RIMBP2: variants seen among roughly 807,000 people sequenced by gnomAD.
RIMBP2 encodes RIMS binding protein 2.
Under a neutral mutation model 118.6 loss-of-function variants are expected in RIMBP2, and 48 were observed. That is an observed-to-expected ratio of 0.40 (90% CI 0.32 to 0.51). The LOEUF (loss-of-function observed/expected upper bound fraction) is 0.51. RIMBP2 is among the 20% of genes least tolerant of loss of function. The pLI is 0.41. For synonymous variants in RIMBP2, 762 were observed against 742.9 expected (o/e 1.03, Z -0.42); for missense variants, 1,551 against 1,768.3 (o/e 0.88, Z 2.20).
intron 2 of RIMBP2, among the ~76,000 whole-genome samples, chr12:130,612,869 T>A (rs575515138): frequency 7.7e-4 from 117 of 151,376 alleles, no homozygotes; most frequent in African/African-American, 2.6e-3. Flanking sequence ...ATAGAGAGAG[T>A]CCGGATGGGT....
intron 1 of RIMBP2, among the ~76,000 whole-genome samples, chr12:130,713,272 A>C (rs7295428): frequency 0.56 from 77,877 of 138,542 alleles, 25,704 homozygotes; most frequent in Non-Finnish European, 0.73. Flanking sequence ...GAAGGAAGGA[A>C]GGACTGAGGA....
At position 130,587,827 on chromosome 12, in the gene RIMBP2, A is replaced by G. The variant is rs1191855481; in HGVS notation, c.-217+40495T>C. Among the ~76,000 whole-genome samples the G allele has an allele frequency of 2.0e-4, 25 of 123,784 alleles. No individual in the cohort carries two copies. The South Asian group carries it at 6.6e-3, about 33-fold the overall frequency. 81.2% of individuals were successfully genotyped at this position (123,784 alleles called of 152,430 possible). On this transcript the variant is annotated intron_variant, in intron 2 of 22. Transcript: ENST00000690449. ...ACATGTACCCTAAAACTTAAAGTAT[A>G]ATAAAAAAAAAAAAAGAAAAAAAAA...
At chr12:130,440,527 G>A (rs1362391592) in intron 11 of RIMBP2, among the ~76,000 whole-genome samples, 3 of 152,152 alleles carry the variant, frequency 2.0e-5, no homozygotes, top group Admixed American at 2.0e-4. Context: ...GTCCAGGGGA[G>A]CCTCTCCTGA....
At chr12:130,672,101 T>C (rs190476624) in intron 1 of RIMBP2, among the ~76,000 whole-genome samples, 18 of 152,276 alleles carry the variant, frequency 1.2e-4, no homozygotes, top group Admixed American at 1.2e-3. Context: ...CTCCACAGAC[T>C]CGTGTCGGTT....
At position 130,424,565 on chromosome 12, in the gene RIMBP2, C is replaced by T; in HGVS notation, c.2706G>A (p.Leu902=). Residue 902 remains leucine (L), a synonymous_variant, in exon 16 of 23, where the codon CTG becomes CTA. Coordinates refer to ENST00000690449, the MANE Select transcript of RIMBP2 (RefSeq NM_001393629.1). This position sits in a 1 kb window ranked among gnomAD's most constrained non-coding sequence, Gnocchi z 9.8. ...GGCTGAACCGACAGCCCCTGTCTTC[C>T]AGAAGGAAGTCCTCCACGTGGGGGA... ...GAVPHVEDFL[L]EDRGCRFSRS... 1 of 1,232,008 alleles carries T rather than the reference C, an allele frequency of 8.1e-7. No individual in the cohort carries two copies. Among genetic ancestry groups the T allele is most frequent in the Non-Finnish European group, 1.0e-6 (1 of 987,858 alleles). 76.3% of individuals were successfully genotyped at this position (1,232,008 alleles called of 1,614,324 possible).
chr12:130,663,262 T>C (rs1057056736), intron 1 of RIMBP2, among the ~76,000 whole-genome samples: 1 of 152,080 alleles, frequency 6.6e-6, no homozygotes, highest in African/African-American at 2.4e-5. Context: ...TCAACCATCC[T>C]AAAGACAGAG....
chr12:130,438,616 G>T, intron 11 of RIMBP2, 100 bp from the exon 12 acceptor site: 1 of 1,143,814 alleles, frequency 8.7e-7, no homozygotes, highest in Non-Finnish European at 1.2e-6. Flanking sequence ...GAGATCATTC[G>T]GTAAAGTCGC....
At chr12:130,566,829 C>CT (rs2057256817) in intron 2 of RIMBP2, among the ~76,000 whole-genome samples, 1 of 152,226 alleles carries the variant, frequency 6.6e-6, no homozygotes, top group African/African-American at 2.4e-5. Context: ...CACTTGATAA[C>CT]TGATACAACA....
intron 2 of RIMBP2, among the ~76,000 whole-genome samples, chr12:130,592,195 AC>A (rs1420031639): frequency 6.6e-6 from 1 of 152,174 alleles, no homozygotes; most frequent in Non-Finnish European, 1.5e-5. Flanking sequence ...GTCCTCTTCC[AC>A]CTGTGTAACT....
chr12:130,403,831 G>A (rs2074892181), intron 21 of RIMBP2, among the ~76,000 whole-genome samples: 2 of 152,210 alleles, frequency 1.3e-5, no homozygotes, highest in South Asian at 2.1e-4. Context: ...AACTTCCAGT[G>A]CCTTAAAAAT....
At chr12:130,553,481 G>T (rs2056034530) in intron 2 of RIMBP2, among the ~76,000 whole-genome samples, 1 of 152,030 alleles carries the variant, frequency 6.6e-6, no homozygotes, top group Non-Finnish European at 1.5e-5. Flanking sequence ...TGAATGCTAG[G>T]TGTTAAATAA....
chr12:130,633,518 A>G (rs927237503), intron 1 of RIMBP2, among the ~76,000 whole-genome samples: 1 of 152,110 alleles, frequency 6.6e-6, no homozygotes, highest in Admixed American at 6.6e-5. Context: ...GATCCTCGAG[A>G]CCAAGGGTCT....
chr12:130,398,290 A>G (rs2074223021), intron 22 of RIMBP2: 2 of 152,268 alleles, frequency 1.3e-5, no homozygotes. Flanking sequence ...TTGGCAGTGC[A>G]GCAGCATTCC....
chr12:130,562,907 C>A (rs1263414627), intron 2 of RIMBP2, among the ~76,000 whole-genome samples: 4 of 152,192 alleles, frequency 2.6e-5, no homozygotes, highest in Non-Finnish European at 5.9e-5. Flanking sequence ...GGGAAAATCA[C>A]TGAGCTGGGA....
chr12:130,407,647 G>T, intron 20 of RIMBP2, 79 bp downstream of exon 20: 1 of 1,079,994 alleles, frequency 9.3e-7, no homozygotes, highest in Non-Finnish European at 1.4e-6. Flanking sequence ...GTGAACACAC[G>T]TGGCCTCAGT....
intron 4 of RIMBP2, among the ~76,000 whole-genome samples, chr12:130,498,188 G>T (rs984058382): frequency 9.2e-6 from 1 of 109,284 alleles, no homozygotes; most frequent in Non-Finnish European, 2.1e-5. Flanking sequence ...GCCTCCGGCT[G>T]CCCAGTCATT....
In RIMBP2 at chr12:130,424,079, A is replaced by T; in HGVS notation, c.3129+63T>A. Reference sequence around the variant, plus strand: ...TGGACACCAGAACAAACAGAAAACCAGTGAAAGGATGGGACAGATTGGTTT... The same window carrying T: ...TGGACACCAGAACAAACAGAAAACCTGTGAAAGGATGGGACAGATTGGTTT... On this transcript the variant is annotated intron_variant, in intron 16 of 22. Transcript: ENST00000690449. This position sits in a 1 kb window ranked among gnomAD's most constrained non-coding sequence, Gnocchi z 9.8. 1.1e-6 allele frequency: 1 copy of T among 889,688 alleles called. No homozygotes were observed. The highest frequency in any genetic ancestry group is 4.3e-5 in the Admixed American group (1 of 23,322). 55.1% of individuals were successfully genotyped at this position (889,688 alleles called of 1,614,324 possible).
At chr12:130,524,686 G>A (rs896354773) in intron 2 of RIMBP2, among the ~76,000 whole-genome samples, 15 of 152,192 alleles carry the variant, frequency 9.9e-5, no homozygotes, top group Non-Finnish European at 1.6e-4. Flanking sequence ...GGTGTTAAGG[G>A]GATTGAAGAA....
In RIMBP2 at chr12:130,434,878, T is replaced by C. The variant is rs1439951944; in HGVS notation, c.2109A>G (p.Leu703=). ...AAQRVAESSR[L]EKRSVFLERS... is the part of the protein sequence containing the mutation. ...TCTCTAGGAAGACGCTCCTTTTCTC[T>C]AACTTGGAAAGAAAAAGGAGGCACA... The change falls in exon 14 of 23, where the codon TTA becomes TTG. Residue 703 remains leucine (L), a splice_region_variant and synonymous_variant. Coordinates refer to ENST00000690449, the MANE Select transcript of RIMBP2 (RefSeq NM_001393629.1). This position sits in a 1 kb window ranked among gnomAD's most constrained non-coding sequence, Gnocchi z 5.7. The C allele has an allele frequency of 6.2e-7, 1 of 1,602,776 alleles. No homozygotes were observed. Among genetic ancestry groups the C allele is most frequent in the Non-Finnish European group, 8.5e-7 (1 of 1,174,568 alleles).
Sources: gnomAD v4.1 joint callset for allele counts (sites outside exome capture counted in the v4.1 genomes callset) on GRCh38, gnomAD v4.1.1 for gene constraint, Gnocchi (gnomAD v3.1) non-coding constraint, MANE v1.5 for transcripts, NCBI Gene and HGNC (gene_info 2026-07-23, HGNC 2026-07-21) for gene names.